Variants in VPS37A observed in about 807,000 individuals in gnomAD.
VPS37A encodes VPS37A subunit of ESCRT-I.
A neutral mutation model predicts 49.8 loss-of-function variants in VPS37A; 30 were observed. The ratio of observed to expected loss-of-function variants is 0.60; its 90% CI spans 0.45 to 0.82. The LOEUF (loss-of-function observed/expected upper bound fraction) is 0.82. VPS37A is among the 40% of genes least tolerant of loss of function. The pLI, the probability that VPS37A is intolerant of heterozygous loss-of-function variation, is 0.00. For missense variants in VPS37A, 593 were observed against 464.4 expected, an observed-to-expected ratio of 1.28 and a Z score of -2.55; for synonymous variants, 195 against 160.6, an observed-to-expected ratio of 1.21 and a Z score of -1.62.
the VPS37A span, among the ~76,000 whole-genome samples, chr8:17,325,628 G>A: frequency 6.6e-6 from 1 of 152,168 alleles, no homozygotes; most frequent in Non-Finnish European, 1.5e-5. Flanking sequence ...CACTTCCCCT[G>A]CTCCACTGTC....
the VPS37A span, among the ~76,000 whole-genome samples, chr8:17,320,855 CCTG>C: frequency 6.6e-6 from 1 of 152,226 alleles, no homozygotes; most frequent in Non-Finnish European, 1.5e-5. Flanking sequence ...TCCCTGGGCG[CCTG>C]CTGTTTGGGC....
chr8:17,291,177 T>C (rs1816114497), intron 11 of VPS37A, among the ~76,000 whole-genome samples: 1 of 152,110 alleles, frequency 6.6e-6, no homozygotes, highest in Admixed American at 6.6e-5. Flanking sequence ...CACACCTGGC[T>C]AATTTTTGTA....
the VPS37A span, among the ~76,000 whole-genome samples, chr8:17,322,095 C>G: frequency 6.6e-6 from 1 of 151,192 alleles, no homozygotes. Context: ...ATATACAGCC[C>G]TCCCTTGATT....
At chr8:17,277,812 T>C (rs1563271547) in intron 6 of VPS37A, among the ~76,000 whole-genome samples, 1 of 151,708 alleles carries the variant, frequency 6.6e-6, no homozygotes, top group Non-Finnish European at 1.5e-5. Flanking sequence ...AGTGGATCTC[T>C]TAAGTTCCTT....
chr8:17,312,710 A>G, the VPS37A span, among the ~76,000 whole-genome samples: 1 of 152,092 alleles, frequency 6.6e-6, no homozygotes, highest in Non-Finnish European at 1.5e-5. Context: ...CTAAATAAAG[A>G]TTTCTTGAAT....
downstream of VPS37A, among the ~76,000 whole-genome samples, chr8:17,302,787 CT>C (rs1817213911): frequency 1.4e-5 from 2 of 138,168 alleles, no homozygotes; most frequent in Non-Finnish European, 3.1e-5. Flanking sequence ...ATATCGGCTC[CT>C]TGCAACCTCC....
intron 1 of VPS37A, chr8:17,265,625 A>G: frequency 5.4e-6 from 3 of 554,516 alleles, no homozygotes; most frequent in Non-Finnish European, 9.1e-6. Flanking sequence ...AATTGGATAG[A>G]GTGATAGTAA....
downstream of VPS37A, chr8:17,298,836 A>T (rs1458504093): frequency 6.6e-6 from 1 of 152,414 alleles, no homozygotes; most frequent in East Asian, 1.9e-4. Flanking sequence ...TCTTTTCAGA[A>T]CTTTCAGCAG....
chr8:17,285,719 C>T (rs1338620814), intron 10 of VPS37A, among the ~76,000 whole-genome samples: 1 of 152,096 alleles, frequency 6.6e-6, no homozygotes, highest in Non-Finnish European at 1.5e-5. Context: ...GATTTCTGCT[C>T]CATTATTCTT....
chr8:17,252,351 G>GT, intron 1 of VPS37A, among the ~76,000 whole-genome samples: 1 of 151,910 alleles, frequency 6.6e-6, no homozygotes, highest in East Asian at 1.9e-4. Context: ...TGTTGTTGTT[G>GT]TTTTGGTAGA....
chr8:17,277,163 T>G (rs559846035), intron 6 of VPS37A, among the ~76,000 whole-genome samples: 31 of 152,216 alleles, frequency 2.0e-4, no homozygotes, highest in Admixed American at 1.2e-3. Flanking sequence ...TACAGCCAAG[T>G]ACCCATGAGA....
intron 1 of VPS37A, among the ~76,000 whole-genome samples, chr8:17,252,719 A>G (rs1435074578): frequency 6.6e-6 from 1 of 152,166 alleles, no homozygotes; most frequent in Non-Finnish European, 1.5e-5. Flanking sequence ...GTTGGACTAC[A>G]AGGAGCTGCC....
Position 17,247,352 on chromosome 8 carries a change from C to T in VPS37A, c.108C>T (p.Leu36=), listed in dbSNP as rs1284078912. The change falls in exon 1 of 12, where the codon CTC becomes CTT. Residue 36 remains leucine (L), a synonymous_variant. Transcript: ENST00000324849. ...AGAAGCAGCGCCTGATCGAGTCCCT[C>T]CGGAACTCACACTCCAGGTGACTGG... is the stretch of plus-strand genomic sequence containing the variant. ...QQQKQRLIES[L]RNSHSSIAEI... The T allele has an allele frequency of 6.4e-7, 1 of 1,552,090 alleles. No individual in the cohort carries two copies. The highest frequency in any genetic ancestry group is 8.7e-7 in the Non-Finnish European group (1 of 1,148,528).
At chr8:17,308,418 T>C in the VPS37A span, among the ~76,000 whole-genome samples, 3 of 152,158 alleles carry the variant, frequency 2.0e-5, no homozygotes. Flanking sequence ...TGGAAAAAAT[T>C]AGAAAAATAG....
chr8:17,280,300 G>T lies in VPS37A; in HGVS notation c.900+3G>T. The T allele has an allele frequency of 6.2e-7, 1 of 1,610,586 alleles. No homozygotes were observed. The highest frequency in any genetic ancestry group is 1.1e-5 in the South Asian group (1 of 89,998). Reference sequence around the variant, plus strand: ...AAAGACAAACTGTTTTAGATAAGGTGAGTTAGTGATAATTTTGAAGAAATT... The same window carrying T: ...AAAGACAAACTGTTTTAGATAAGGTTAGTTAGTGATAATTTTGAAGAAATT... On this transcript the variant is annotated splice_donor_region_variant and intron_variant, in intron 8 of 11. Transcript: ENST00000324849.
chr8:17,262,733 T>TA (rs1222784321), intron 1 of VPS37A, among the ~76,000 whole-genome samples: 4 of 152,072 alleles, frequency 2.6e-5, no homozygotes, highest in Non-Finnish European at 1.5e-5. Context: ...TAAATAATAG[T>TA]ATGACCATAT....
the VPS37A span, among the ~76,000 whole-genome samples, chr8:17,316,779 G>A: frequency 6.6e-6 from 1 of 152,098 alleles, no homozygotes; most frequent in African/African-American, 2.4e-5. Flanking sequence ...TAAATATATG[G>A]GAGGATGTGC....
At chr8:17,292,858 C>G (rs1285235766) in intron 11 of VPS37A, among the ~76,000 whole-genome samples, 2 of 152,216 alleles carry the variant, frequency 1.3e-5, no homozygotes, top group African/African-American at 2.4e-5. Flanking sequence ...TTGTGGGTAA[C>G]CCAACCTTTT....
intron 6 of VPS37A, among the ~76,000 whole-genome samples, chr8:17,278,840 T>C (rs1050932844): frequency 6.6e-6 from 1 of 152,088 alleles, no homozygotes; most frequent in South Asian, 2.1e-4. Flanking sequence ...AAGCAGTCCA[T>C]TTTCCCTGAA....
Sources: gnomAD v4.1 joint callset for allele counts (sites outside exome capture counted in the v4.1 genomes callset) on GRCh38, gnomAD v4.1.1 for gene constraint, MANE v1.5 for transcripts, NCBI Gene and HGNC (gene_info 2026-07-23, HGNC 2026-07-21) for gene names.